COQ9: variants seen among roughly 807,000 people sequenced by gnomAD.
The protein encoded by COQ9 is ubiquinone biosynthesis protein COQ9, mitochondrial.
A neutral mutation model predicts 42.4 loss-of-function variants in COQ9; 35 were observed. The ratio of observed to expected loss-of-function variants is 0.83; its 90% CI spans 0.63 to 1.10. The LOEUF (loss-of-function observed/expected upper bound fraction) is 1.10. Ranked by LOEUF, COQ9 falls within the 50% of genes least tolerant of loss-of-function variation. The pLI is 0.00. For synonymous variants in COQ9, 155 were observed against 155.1 expected, an observed-to-expected ratio of 1.00 and a Z score of 0.00; for missense variants, 406 against 414.6, an observed-to-expected ratio of 0.98 and a Z score of 0.18.
At chr16:57,459,838 G>A in intron 7 of COQ9, 118 bp downstream of exon 7, 1 of 1,258,780 alleles carries the variant, frequency 7.9e-7, no homozygotes, top group Non-Finnish European at 1.2e-6. Flanking sequence ...CCTTCCCAAG[G>A]GCCTGGCTGG....
chr16:57,460,799 T>C lies in COQ9; in HGVS notation c.*175T>C. 1.5e-6 allele frequency: 1 copy of C among 652,888 alleles called. No individual in the cohort carries two copies. The highest frequency in any genetic ancestry group is 2.8e-6 in the Non-Finnish European group (1 of 359,902). The allele number at this position is 652,888 out of a possible 1,614,324, so 40.4% of individuals were successfully genotyped here. A position where few individuals can be genotyped will look rare whatever the true frequency, so the allele number is the denominator to read the frequency against. Reference sequence around the variant, plus strand: ...CACAAGGCATTTGATGCTACCGTTCTGGTCAGGGATTGGGCTGCTTCTTCA... The same window carrying C: ...CACAAGGCATTTGATGCTACCGTTCCGGTCAGGGATTGGGCTGCTTCTTCA... On this transcript the variant is annotated 3_prime_UTR_variant, in exon 9 of 9. Transcript: ENST00000262507.
intron 3 of COQ9, chr16:57,453,145 G>A (rs545683728): frequency 1.1e-5 from 7 of 626,430 alleles, no homozygotes; most frequent in Middle Eastern, 4.3e-4. Flanking sequence ...CTTGGGAGTT[G>A]TGTTCTAAAG....
intron 1 of COQ9, 109 bp downstream of exon 1, chr16:57,447,687 G>A (rs962894930): frequency 9.2e-5 from 89 of 964,376 alleles, no homozygotes; most frequent in Non-Finnish European, 1.1e-4. Context: ...CGGCCCACGA[G>A]CAAGGTGAGG....
chr16:57,449,846 G>A (rs1281319438), intron 1 of COQ9, among the ~76,000 whole-genome samples: 1 of 152,060 alleles, frequency 6.6e-6, no homozygotes, highest in African/African-American at 2.4e-5. Context: ...GTTTAGATTG[G>A]GTTTAGGTTG....
intron 3 of COQ9, among the ~76,000 whole-genome samples, chr16:57,455,511 G>C (rs16957142): frequency 0.032 from 4,804 of 151,742 alleles, 264 homozygotes; most frequent in African/African-American, 0.11. Context: ...GGACATTTAA[G>C]GGGAGAGTAG....
chr16:57,455,790 C>T (rs1312938415), intron 3 of COQ9, among the ~76,000 whole-genome samples: 1 of 152,048 alleles, frequency 6.6e-6, no homozygotes, highest in Non-Finnish European at 1.5e-5. Context: ...GGGAAGAGTA[C>T]AGAAACAAGA....
Position 57,447,509 on chromosome 16 carries a change from G to C in COQ9, c.4G>C (p.Ala2Pro). The C allele has an allele frequency of 7.7e-7, 1 of 1,302,402 alleles. No individual in the cohort carries two copies. Among genetic ancestry groups the C allele is most frequent in the South Asian group, 2.6e-5 (1 of 39,188 alleles). 80.7% of individuals were successfully genotyped at this position (1,302,402 alleles called of 1,614,324 possible). A position where few individuals can be genotyped will look rare whatever the true frequency, so the allele number is the denominator to read the frequency against. Residue 2 changes from alanine to proline, a missense_variant, in exon 1 of 9, where the codon GCG (alanine) becomes CCG (proline). Coordinates refer to ENST00000262507, the MANE Select transcript of COQ9 (RefSeq NM_020312.4). M[A>P]AAAVSGALGR... ...GGGCGACGTGCCCGCTTCCAAAATGGCGGCGGCGGCGGTATCTGGTGCGCT... is the reference window on the plus strand; with the variant it reads ...GGGCGACGTGCCCGCTTCCAAAATGCCGGCGGCGGCGGTATCTGGTGCGCT...
chr16:57,453,062 C>G, intron 3 of COQ9, 126 bp downstream of exon 3: 1 of 1,299,096 alleles, frequency 7.7e-7, no homozygotes, highest in Non-Finnish European at 1.1e-6. Context: ...GCAAGATTGA[C>G]TGGTTTTTTT....
At chr16:57,451,263 C>G in intron 2 of COQ9, 55 bp downstream of exon 2, 1 of 1,539,012 alleles carries the variant, frequency 6.5e-7, no homozygotes, top group Non-Finnish European at 9.0e-7. Flanking sequence ...TATGTCTGTT[C>G]CTCCTTCACT....
chr16:57,456,748 G>C, intron 4 of COQ9, 102 bp downstream of exon 4: 1 of 1,448,428 alleles, frequency 6.9e-7, no homozygotes, highest in Non-Finnish European at 9.5e-7. Flanking sequence ...AACCCAAAGA[G>C]AGCAGCATTG....
At position 57,447,502 on chromosome 16, in the gene COQ9, CA is replaced by C; in HGVS notation, c.1del. On this transcript the variant is annotated 5_prime_UTR_variant, in exon 1 of 9. Coordinates refer to ENST00000262507, the MANE Select transcript of COQ9 (RefSeq NM_020312.4). ...TCGCCGTGGGCGACGTGCCCGCTTC[CA>C]AAATGGCGGCGGCGGCGGTATCTGG... 3 of 1,305,090 alleles carry C rather than the reference CA, an allele frequency of 2.3e-6. No homozygotes were observed. The highest frequency in any genetic ancestry group is 2.1e-4 in the Middle Eastern group (1 of 4,672). 80.8% of individuals were successfully genotyped at this position (1,305,090 alleles called of 1,614,324 possible).
At chr16:57,460,160 T>A (rs1259229454) in intron 8 of COQ9, 56 bp downstream of exon 8, 8 of 1,525,542 alleles carry the variant, frequency 5.2e-6, no homozygotes, top group Non-Finnish European at 7.3e-6. Context: ...GGCTCTGTGA[T>A]ACATGTGTTA....
chr16:57,457,256 T>C, intron 5 of COQ9: 1 of 590,126 alleles, frequency 1.7e-6, no homozygotes, highest in South Asian at 1.7e-5. Flanking sequence ...CTGGATCCCA[T>C]CCTGGGTGGG....
intron 1 of COQ9, among the ~76,000 whole-genome samples, chr16:57,449,600 T>C (rs990514127): frequency 6.6e-6 from 1 of 152,126 alleles, no homozygotes; most frequent in Non-Finnish European, 1.5e-5. Context: ...TTGGGCAACA[T>C]AGCAAGACTC....
Position 57,460,483 on chromosome 16 carries a change from CAAAAAAGAAAAA to C in COQ9, c.922-97_922-86del, listed in dbSNP as rs1172014651. The C allele has an allele frequency of 1.4e-5, 16 of 1,170,838 alleles. 1 individual carries two copies. The highest frequency in any genetic ancestry group is 3.2e-5 in the African/African-American group (2 of 62,252). 72.5% of individuals were successfully genotyped at this position (1,170,838 alleles called of 1,614,324 possible). ...AACATAGCAAAACCCTGTCTCTATG[CAAAAAAGAAAAA>C]AAAAAAGAGAAAAAGAAAAGCTAGG... On this transcript the variant is annotated intron_variant, in intron 8 of 8. Coordinates refer to ENST00000262507, the MANE Select transcript of COQ9 (RefSeq NM_020312.4).
intron 1 of COQ9, among the ~76,000 whole-genome samples, chr16:57,448,927 A>G (rs1293293356): frequency 1.3e-5 from 2 of 152,184 alleles, no homozygotes; most frequent in African/African-American, 2.4e-5. Flanking sequence ...ACTATTCTGC[A>G]ATAAAAACTA....
chr16:57,447,649 C>A, intron 1 of COQ9, 71 bp downstream of exon 1: 1 of 1,189,804 alleles, frequency 8.4e-7, no homozygotes, highest in Non-Finnish European at 1.1e-6. Context: ...CAGCTGGGTT[C>A]GACGGTGGGG....
chr16:57,458,071 C>A, intron 5 of COQ9, 175 bp from the exon 6 acceptor site: 1 of 653,248 alleles, frequency 1.5e-6, no homozygotes, highest in Non-Finnish European at 2.8e-6. Context: ...TGGCTCTCCT[C>A]AGCTGTAGTC....
In COQ9 at chr16:57,461,210, CA is replaced by C. The variant is rs1433111009; in HGVS notation, c.*587del. The C allele has an allele frequency of 8.8e-6, 4 of 453,054 alleles. No individual in the cohort carries two copies. The highest frequency in any genetic ancestry group is 4.7e-5 in the South Asian group (3 of 64,310). 28.1% of individuals were successfully genotyped at this position (453,054 alleles called of 1,614,324 possible). A position where few individuals can be genotyped will look rare whatever the true frequency, so the allele number is the denominator to read the frequency against. ...CCTGGTGTCACATGACACCAGCATGCATTGCAGGATTATTAGTGTATTTTGA... is the reference window on the plus strand; with the variant it reads ...CCTGGTGTCACATGACACCAGCATGCTTGCAGGATTATTAGTGTATTTTGA... On this transcript the variant is annotated 3_prime_UTR_variant, in exon 9 of 9. Coordinates refer to ENST00000262507, the MANE Select transcript of COQ9 (RefSeq NM_020312.4).
Sources: gnomAD v4.1 joint callset for allele counts (sites outside exome capture counted in the v4.1 genomes callset) on GRCh38, gnomAD v4.1.1 for gene constraint, MANE v1.5 for transcripts, NCBI Gene and HGNC (gene_info 2026-07-23, HGNC 2026-07-21) for gene names.